Variants in PCDHA12 observed in about 807,000 individuals in gnomAD.
PCDHA12 encodes protocadherin alpha 12.
PCDHA12 carries 44 observed loss-of-function variants against 60.0 expected under a neutral mutation model. The observed-to-expected ratio is 0.73, with a 90% CI of 0.58 to 0.94. The LOEUF is 0.94. Ranked by LOEUF, PCDHA12 falls within the 40% of genes least tolerant of loss-of-function variation. The pLI, the probability that PCDHA12 is intolerant of heterozygous loss-of-function variation, is 0.00. For missense variants in PCDHA12, 1,276 were observed against 1,239.7 expected (o/e 1.03, Z -0.44); for synonymous variants, 569 against 553.0 (o/e 1.03, Z -0.40).
In PCDHA12 at chr5:140,875,935, G is replaced by A. The variant is rs781964808; in HGVS notation, c.463G>A (p.Glu155Lys). The A allele has an allele frequency of 8.7e-6, 14 of 1,614,210 alleles. No homozygotes were observed. Among genetic ancestry groups the A allele is most frequent in the African/African-American group, 1.3e-5 (1 of 75,048 alleles). ...GCCTCTGGACTCTCATTTTCCTCTA[G>A]AGGGCGCTTCTGATGCGGATATCGG... ...SAPLDSHFPL[E>K]GASDADIGVN... is the part of the protein sequence containing the mutation. The change falls in exon 1 of 4, where the codon GAG becomes AAG. Residue 155 changes from glutamate (E) to lysine (K), a missense_variant. By Grantham distance (56) the Glu-to-Lys change is moderately conservative. Coordinates refer to ENST00000398631, the MANE Select transcript of PCDHA12 (RefSeq NM_018903.4).
chr5:140,943,800 A>G (rs1470801059), intron 1 of PCDHA12, among the ~76,000 whole-genome samples: 1 of 152,218 alleles, frequency 6.6e-6, no homozygotes, highest in East Asian at 1.9e-4. Flanking sequence ...GCAAAGCAAA[A>G]GAGGAAAGTT....
chr5:140,919,201 A>AT (rs1328020690), intron 1 of PCDHA12, among the ~76,000 whole-genome samples: 1 of 152,202 alleles, frequency 6.6e-6, no homozygotes. Flanking sequence ...TTTTGTCATT[A>AT]TAAAATGTCC....
chr5:140,984,140 A>G (rs2097088641), intron 3 of PCDHA12, among the ~76,000 whole-genome samples: 1 of 152,240 alleles, frequency 6.6e-6, no homozygotes, highest in Non-Finnish European at 1.5e-5. Context: ...ATGTGGAGGC[A>G]TCTGGGAAGG....
chr5:140,984,754 A>G (rs2097118359), intron 3 of PCDHA12, among the ~76,000 whole-genome samples: 1 of 152,158 alleles, frequency 6.6e-6, no homozygotes, highest in Admixed American at 6.5e-5. Context: ...ATTTGAGTTG[A>G]ATTCTAATCC....
chr5:140,883,091 G>A lies in PCDHA12; in HGVS notation c.2367+5252G>A, dbSNP rs782433695. The A allele has an allele frequency of 1.9e-6, 3 of 1,613,994 alleles. No individual in the cohort carries two copies. In the African/African-American group the frequency reaches 4.0e-5, roughly 22 times the overall value. ...CACAGATCCTGATGATGGTACAAAT[G>A]GAGATATAGTTTACTCATTTAGAAG... On this transcript the variant is annotated intron_variant, in intron 1 of 3. Coordinates refer to ENST00000398631, the MANE Select transcript of PCDHA12 (RefSeq NM_018903.4).
At chr5:140,973,208 C>T (rs2096576751) in intron 1 of PCDHA12, among the ~76,000 whole-genome samples, 1 of 152,170 alleles carries the variant, frequency 6.6e-6, no homozygotes, top group African/African-American at 2.4e-5. Flanking sequence ...TGCATATTCA[C>T]CCTAATTCCA....
In PCDHA12 at chr5:140,936,292, T is replaced by C. The variant is rs74627153; in HGVS notation, c.2368-42657T>C. Among the ~76,000 whole-genome samples the C allele has an allele frequency of 4.3e-3, 649 of 152,348 alleles. 6 individuals are homozygous for C. Among genetic ancestry groups the C allele is most frequent in the African/African-American group, 0.013 (538 of 41,592 alleles). On this transcript the variant is annotated intron_variant, in intron 1 of 3. Transcript: ENST00000398631. Reference sequence around the variant, plus strand: ...TATTCCTGTGTTTTCTTCTATAACATTGCTATCCAATAGAACTTTCTGACA... The same window carrying C: ...TATTCCTGTGTTTTCTTCTATAACACTGCTATCCAATAGAACTTTCTGACA...
intron 1 of PCDHA12, among the ~76,000 whole-genome samples, chr5:140,931,650 T>C (rs2087656696): frequency 6.6e-6 from 1 of 152,016 alleles, no homozygotes; most frequent in South Asian, 2.1e-4. Flanking sequence ...CTAATAATTG[T>C]TGTGGGCTGG....
At chr5:140,954,938 GT>G (rs2095112203) in intron 1 of PCDHA12, among the ~76,000 whole-genome samples, 1 of 152,078 alleles carries the variant, frequency 6.6e-6, no homozygotes, top group Admixed American at 6.6e-5. Flanking sequence ...TTAATCTTGA[GT>G]TAATTTTTGT....
In PCDHA12 at chr5:140,967,305, A is replaced by G. The variant is rs782005994; in HGVS notation, c.2368-11644A>G. On this transcript the variant is annotated intron_variant, in intron 1 of 3. Transcript: ENST00000398631. ...GCGCAGGACCCCGACGTGGGCGCCA[A>G]CTCAGTACAGACCTACGAGCTCAGC... The G allele has an allele frequency of 5.7e-5, 92 of 1,612,346 alleles. 1 individual carries two copies. The South Asian group carries it at 9.7e-4, about 17-fold the overall frequency.
At chr5:140,950,517 A>G (rs1210598995) in intron 1 of PCDHA12, among the ~76,000 whole-genome samples, 1 of 152,012 alleles carries the variant, frequency 6.6e-6, no homozygotes, top group African/African-American at 2.4e-5. Flanking sequence ...CCTGTGTGCG[A>G]TATGATTGTT....
chr5:140,996,976 G>T (rs573896136), intron 3 of PCDHA12, among the ~76,000 whole-genome samples: 1 of 151,960 alleles, frequency 6.6e-6, no homozygotes, highest in Non-Finnish European at 1.5e-5. Context: ...CTCCCCTTTG[G>T]TGAAGCAACC....
chr5:141,000,015 G>A (rs960608216), intron 3 of PCDHA12, among the ~76,000 whole-genome samples: 8 of 151,984 alleles, frequency 5.3e-5, no homozygotes, highest in Non-Finnish European at 5.9e-5. Flanking sequence ...CCTCCCCATT[G>A]CTAAGCCTGA....
chr5:140,995,180 A>C (rs1014057978), intron 3 of PCDHA12, among the ~76,000 whole-genome samples: 4 of 152,190 alleles, frequency 2.6e-5, no homozygotes, highest in African/African-American at 9.7e-5. Context: ...AGGTGCACCT[A>C]TGATAAAGTT....
rs112377727 is a variant in PCDHA12, at chr5:140,875,811, G to T, written c.339G>T (p.Pro113=). The T allele has an allele frequency of 3.6e-4, 584 of 1,614,186 alleles. 8 individuals are homozygous for T. Among genetic ancestry groups the T allele is most frequent in the South Asian group, 3.4e-3 (314 of 91,084 alleles). The change falls in exon 1 of 4, where the codon CCG becomes CCT. Residue 113 remains proline (P), a synonymous_variant. Coordinates refer to ENST00000398631, the MANE Select transcript of PCDHA12 (RefSeq NM_018903.4). ...ACCTGGAGGTGATCGTGGACAGGCC[G>T]CTGCAGGTTTTCCATGTGGACGTGG... The part of the protein sequence containing the change: ...SIHLEVIVDR[P]LQVFHVDVEV...
At chr5:140,946,631 T>TATACAC (rs57893927) in intron 1 of PCDHA12, among the ~76,000 whole-genome samples, 2 of 131,842 alleles carry the variant, frequency 1.5e-5, no homozygotes, top group Non-Finnish European at 3.1e-5. Flanking sequence ...TATATATATA[T>TATACAC]ACAATGGAAT....
chr5:140,926,704 T>C (rs1481559865), intron 1 of PCDHA12: 7 of 842,670 alleles, frequency 8.3e-6, no homozygotes, highest in Non-Finnish European at 1.2e-5. Context: ...GGCTCCCAGC[T>C]GGCCAGCCCC....
At chr5:140,933,659 C>G (rs552302723) in intron 1 of PCDHA12, among the ~76,000 whole-genome samples, 1 of 152,058 alleles carries the variant, frequency 6.6e-6, no homozygotes, top group East Asian at 1.9e-4. Context: ...TCCTGTCTCT[C>G]TCTCTGTCTC....
At chr5:140,998,722 G>A (rs572133347) in intron 3 of PCDHA12, among the ~76,000 whole-genome samples, 4 of 152,002 alleles carry the variant, frequency 2.6e-5, no homozygotes, top group Non-Finnish European at 4.4e-5. Flanking sequence ...GCACCACCAC[G>A]CTAGGCTAAT....
Sources: allele counts gnomAD v4.1 joint callset (sites outside exome capture counted in the v4.1 genomes callset), GRCh38; gene constraint gnomAD v4.1.1; transcripts MANE v1.5; gene names NCBI Gene and HGNC (gene_info 2026-07-23, HGNC 2026-07-21).